SYCE3: variants seen among roughly 807,000 people sequenced by gnomAD.
SYCE3 encodes synaptonemal complex central element protein 3, also known as testis highly expressed gene 2 protein.
In SYCE3, 3 loss-of-function variants were observed where a neutral mutation model predicts 8.1. That is an observed-to-expected ratio of 0.37 (90% CI 0.17 to 0.96). The LOEUF is 0.96. Among genes scored for constraint, SYCE3 ranks in the 40% least tolerant of loss-of-function variants. The probability of loss-of-function intolerance (pLI) is 0.41; values close to 1 mark genes in which losing one functional copy is unlikely to be tolerated. For missense variants in SYCE3, 83 were observed against 110.0 expected, an observed-to-expected ratio of 0.75 and a Z score of 1.10; for synonymous variants, 36 against 38.7, an observed-to-expected ratio of 0.93 and a Z score of 0.26.
chr22:50,559,546 AG>A (rs1438106616), intron 1 of SYCE3, among the ~76,000 whole-genome samples: 7 of 152,164 alleles, frequency 4.6e-5, no homozygotes, highest in African/African-American at 1.7e-4. Flanking sequence ...GAATAGACTA[AG>A]GGGTGGAAAG....
At chr22:50,562,460 G>C (rs1232518511) in intron 1 of SYCE3, among the ~76,000 whole-genome samples, 3 of 2,268 alleles carry the variant, frequency 1.3e-3, no homozygotes, top group Admixed American at 3.4e-3. Flanking sequence ...GAGGCGGGGT[G>C]AGGAGGGGTG....
Position 50,556,339 on chromosome 22 carries a change from T to C in SYCE3, c.67A>G (p.Lys23Glu). 3 of 1,552,100 alleles carry C rather than the reference T, an allele frequency of 1.9e-6. No homozygotes were observed. The highest frequency in any genetic ancestry group is 2.4e-5 in the South Asian group (2 of 84,064). Residue 23 changes from lysine (K) to glutamate (E), a missense_variant, in exon 2 of 3, where the codon AAG (lysine) becomes GAG (glutamate). Coordinates refer to ENST00000406915, the MANE Select transcript of SYCE3 (RefSeq NM_001123225.3). ...TCTTCTAATAGCTTTTCCAAGTCCT[T>C]ATTCAGATCTGACAGCATTTTCAGC... Reference protein sequence around the residue: ...NMLKMLSDLNKDLEKLLEEME... With the variant: ...NMLKMLSDLNEDLEKLLEEME...
chr22:50,551,322 C>T lies in SYCE3; in HGVS notation c.190G>A (p.Asp64Asn), dbSNP rs780609273. Residue 64 changes from aspartate (D) to asparagine (N), a missense_variant, in exon 3 of 3, where the codon GAT becomes AAT. Asp to Asn is a conservative substitution (Grantham distance 23). Coordinates refer to ENST00000406915, the MANE Select transcript of SYCE3 (RefSeq NM_001123225.3). ...TCCTCCTTGCAGTTGACGAAGGCAT[C>T]CTCCAGCCGACGCATGGACTCGGCC... ...TLAESMRRLE[D>N]AFVNCKEEME... 8.8e-5 allele frequency: 137 copies of T among 1,551,212 alleles called. No homozygotes were observed. The Middle Eastern group carries it at 1.0e-3, about 11-fold the overall frequency.
intron 2 of SYCE3, among the ~76,000 whole-genome samples, chr22:50,552,480 C>T (rs1016718595): frequency 3.9e-5 from 6 of 152,096 alleles, no homozygotes; most frequent in Non-Finnish European, 8.8e-5. Flanking sequence ...GCCAGTGTTC[C>T]TGGCCCATCT....
Position 50,551,381 on chromosome 22 carries a change from T to C in SYCE3, c.131A>G (p.Tyr44Cys), listed in dbSNP as rs1481822191. 6.4e-6 allele frequency: 10 copies of C among 1,550,612 alleles called. No homozygotes were observed. Among genetic ancestry groups the C allele is most frequent in the Non-Finnish European group, 8.7e-6 (10 of 1,146,862 alleles). The part of the protein sequence containing the change: ...KISVQATWMA[Y>C]DMVVMRTNPT... ...GTTGGTGCGCATCACCACCATGTCATAGGCCATCCAGGTCGCCTGCACTGC... is the reference window on the plus strand; with the variant it reads ...GTTGGTGCGCATCACCACCATGTCACAGGCCATCCAGGTCGCCTGCACTGC... Residue 44 changes from tyrosine to cysteine, a missense_variant, in exon 3 of 3, where the codon TAT (tyrosine) becomes TGT (cysteine). Transcript: ENST00000406915.
intron 1 of SYCE3, among the ~76,000 whole-genome samples, chr22:50,557,044 C>T (rs1412586803): frequency 2.6e-5 from 4 of 152,218 alleles, no homozygotes; most frequent in Admixed American, 2.6e-4. Context: ...TAGAGACTGT[C>T]CTGGTTCTGG....
At chr22:50,555,416 G>A (rs1370367177) in intron 2 of SYCE3, among the ~76,000 whole-genome samples, 2 of 152,210 alleles carry the variant, frequency 1.3e-5, no homozygotes, top group Non-Finnish European at 2.9e-5. Context: ...CAAGGTGGGT[G>A]TATTGCTTGG....
chr22:50,558,626 C>T (rs1306887876), intron 1 of SYCE3, among the ~76,000 whole-genome samples: 2 of 152,074 alleles, frequency 1.3e-5, no homozygotes, highest in Non-Finnish European at 2.9e-5. Flanking sequence ...GGAGCCATTC[C>T]ACGTGCAGGG....
At chr22:50,556,084 C>A (rs527251492) in intron 2 of SYCE3, among the ~76,000 whole-genome samples, 34 of 152,250 alleles carry the variant, frequency 2.2e-4, no homozygotes. Flanking sequence ...TGAGCCACCG[C>A]GCCCGGCCGA....
chr22:50,561,757 T>C (rs2069920512), intron 1 of SYCE3, among the ~76,000 whole-genome samples: 1 of 151,614 alleles, frequency 6.6e-6, no homozygotes, highest in Non-Finnish European at 1.5e-5. Flanking sequence ...TGTGCTCTTT[T>C]GTACGGGATG....
intron 1 of SYCE3, among the ~76,000 whole-genome samples, chr22:50,557,090 T>C (rs1005788844): frequency 3.9e-5 from 6 of 152,066 alleles, no homozygotes; most frequent in African/African-American, 1.4e-4. Context: ...TGGCGCTACC[T>C]CATATCAGCA....
chr22:50,557,092 A>C (rs1259684384), intron 1 of SYCE3, among the ~76,000 whole-genome samples: 2 of 151,738 alleles, frequency 1.3e-5, no homozygotes, highest in Non-Finnish European at 2.9e-5. Flanking sequence ...GCGCTACCTC[A>C]TATCAGCAGT....
chr22:50,551,140 C>A lies in SYCE3; in HGVS notation c.*105G>T. ...GCTTAAAAATAAGTTTATTAAGAAA[C>A]AAGTACAGTGCATACAGCTATTCAT... On this transcript the variant is annotated 3_prime_UTR_variant, in exon 3 of 3. Coordinates refer to ENST00000406915, the MANE Select transcript of SYCE3 (RefSeq NM_001123225.3). 2.9e-6 allele frequency: 4 copies of A among 1,392,086 alleles called. No individual in the cohort carries two copies. Among genetic ancestry groups the A allele is most frequent in the Non-Finnish European group, 3.9e-6 (4 of 1,030,750 alleles). 86.2% of individuals were successfully genotyped at this position (1,392,086 alleles called of 1,614,324 possible).
intron 1 of SYCE3, among the ~76,000 whole-genome samples, chr22:50,560,544 A>C (rs4824130): frequency 0.26 from 39,563 of 152,106 alleles, 5,415 homozygotes; most frequent in Middle Eastern, 0.33. Flanking sequence ...AGAGCCATAA[A>C]AGTAAAAATA....
intron 2 of SYCE3, among the ~76,000 whole-genome samples, chr22:50,551,705 C>G (rs1453223125): frequency 6.6e-6 from 1 of 152,222 alleles, no homozygotes; most frequent in African/African-American, 2.4e-5. Flanking sequence ...TTAGAGCAAA[C>G]CGCAGCTCCT....
chr22:50,552,479 C>T (rs1373835101), intron 2 of SYCE3, among the ~76,000 whole-genome samples: 1 of 152,052 alleles, frequency 6.6e-6, no homozygotes, highest in Admixed American at 6.5e-5. Flanking sequence ...GGCCAGTGTT[C>T]CTGGCCCATC....
At position 50,561,609 on chromosome 22, in the gene SYCE3, G is replaced by A. The variant is rs561905665; in HGVS notation, c.-1+1249C>T. ...GGGTATCACTTTAGGTGTGAAGGACGGGGGTTGAGCGAGTCAGAGCCTAGA... is the reference window on the plus strand; with the variant it reads ...GGGTATCACTTTAGGTGTGAAGGACAGGGGTTGAGCGAGTCAGAGCCTAGA... On this transcript the variant is annotated intron_variant, in intron 1 of 2. Coordinates refer to ENST00000406915, the MANE Select transcript of SYCE3 (RefSeq NM_001123225.3). Among the ~76,000 whole-genome samples, 52 of 150,472 alleles carry A rather than the reference G, an allele frequency of 3.5e-4. 1 individual carries two copies. Among genetic ancestry groups the A allele is most frequent in the South Asian group, 2.1e-4 (1 of 4,758 alleles).
At chr22:50,554,626 G>A (rs1373903669) in intron 2 of SYCE3, among the ~76,000 whole-genome samples, 7 of 150,756 alleles carry the variant, frequency 4.6e-5, no homozygotes, top group Admixed American at 1.3e-4. Flanking sequence ...CCCGAGAGGC[G>A]GAGGTTGCAG....
chr22:50,553,474 T>C (rs2069829583), intron 2 of SYCE3, among the ~76,000 whole-genome samples: 1 of 152,196 alleles, frequency 6.6e-6, no homozygotes, highest in Non-Finnish European at 1.5e-5. Flanking sequence ...CATGGTATTC[T>C]GCAGATGACC....
Sources: gnomAD v4.1 joint callset for allele counts (sites outside exome capture counted in the v4.1 genomes callset) on GRCh38, gnomAD v4.1.1 for gene constraint, MANE v1.5 for transcripts, NCBI Gene and HGNC (gene_info 2026-07-23, HGNC 2026-07-21) for gene names.